The following RGL1 variants were observed in gnomAD, a reference collection of about 807,000 sequenced individuals.
RGL1 encodes the protein ral guanine nucleotide dissociation stimulator-like 1.
A neutral mutation model predicts 95.2 loss-of-function variants in RGL1; 24 were observed. The observed-to-expected ratio is 0.25, with a 90% CI of 0.18 to 0.35. The LOEUF is 0.35. Ranked by LOEUF, RGL1 falls within the 10% of genes least tolerant of loss-of-function variation. The pLI is 1.00. For missense variants in RGL1, 715 were observed against 936.3 expected, an observed-to-expected ratio of 0.76 and a Z score of 3.08; for synonymous variants, 329 against 344.9, an observed-to-expected ratio of 0.95 and a Z score of 0.51.
chr1:183,779,696 C>T (rs1212234157), intron 2 of RGL1, among the ~76,000 whole-genome samples: 1 of 152,064 alleles, frequency 6.6e-6, no homozygotes, highest in Non-Finnish European at 1.5e-5. Flanking sequence ...GAGATAGCCC[C>T]AAAGTTTGCT....
At chr1:183,855,499 C>G (rs538429444) in intron 3 of RGL1, among the ~76,000 whole-genome samples, 27 of 152,336 alleles carry the variant, frequency 1.8e-4, no homozygotes, top group African/African-American at 5.3e-4. Context: ...TTCCTAGATT[C>G]ATGCTGGCAT....
intron 8 of RGL1, 42 bp downstream of exon 8, chr1:183,888,619 T>A: frequency 7.8e-7 from 1 of 1,279,116 alleles, no homozygotes; most frequent in East Asian, 2.3e-5. Flanking sequence ...TTGGCCGGGA[T>A]AATTAGTGGT....
intron 13 of RGL1, 145 bp downstream of exon 13, chr1:183,905,116 G>A (rs1163659038): frequency 2.0e-6 from 2 of 975,920 alleles, no homozygotes; most frequent in Admixed American, 3.2e-5. Flanking sequence ...AAGGCGCATG[G>A]TGTGGCAGGA....
chr1:183,643,265 TA>T (rs1455852842), intron 1 of RGL1, among the ~76,000 whole-genome samples: 3 of 110,124 alleles, frequency 2.7e-5, no homozygotes, highest in African/African-American at 9.0e-5. Context: ...CCTGTTTTTT[TA>T]TTTATTTATT....
chr1:183,832,630 A>T (rs1663337908), intron 2 of RGL1, among the ~76,000 whole-genome samples: 1 of 151,790 alleles, frequency 6.6e-6, no homozygotes, highest in African/African-American at 2.4e-5. Flanking sequence ...GGAAGATGAG[A>T]TAGTGTGGTT....
intron 14 of RGL1, among the ~76,000 whole-genome samples, chr1:183,910,482 T>C (rs559682055): frequency 3.9e-5 from 6 of 152,350 alleles, no homozygotes; most frequent in Non-Finnish European, 7.3e-5. Flanking sequence ...ACATGGCTCT[T>C]GGATGGGAGG....
intron 1 of RGL1, among the ~76,000 whole-genome samples, chr1:183,676,824 A>G (rs1652858143): frequency 6.7e-6 from 1 of 149,852 alleles, no homozygotes; most frequent in Non-Finnish European, 1.5e-5. Context: ...TTACTTCTCT[A>G]TGCCTCAATT....
chr1:183,644,989 T>G (rs1487730604), intron 1 of RGL1, among the ~76,000 whole-genome samples: 1 of 152,200 alleles, frequency 6.6e-6, no homozygotes, highest in Non-Finnish European at 1.5e-5. Context: ...CCAAACATTG[T>G]CCAGGAATGA....
chr1:183,719,796 C>T (rs1046645381), intron 1 of RGL1, among the ~76,000 whole-genome samples: 1 of 152,126 alleles, frequency 6.6e-6, no homozygotes, highest in Non-Finnish European at 1.5e-5. Flanking sequence ...ATTCCAGCTA[C>T]TCAGGGGGCT....
intron 1 of RGL1, among the ~76,000 whole-genome samples, chr1:183,639,308 C>T (rs1032533493): frequency 6.7e-5 from 10 of 149,340 alleles, no homozygotes; most frequent in East Asian, 1.9e-4. Context: ...AGAAAAAAGA[C>T]GTTGAATCCT....
intron 14 of RGL1, among the ~76,000 whole-genome samples, chr1:183,908,312 C>T (rs1170177896): frequency 2.0e-5 from 3 of 152,102 alleles, no homozygotes; most frequent in African/African-American, 7.2e-5. Context: ...ACATAAAGAC[C>T]TCTGCTGGAT....
At chr1:183,708,425 TAG>T (rs1655055481) in intron 1 of RGL1, among the ~76,000 whole-genome samples, 1 of 152,180 alleles carries the variant, frequency 6.6e-6, no homozygotes, top group Non-Finnish European at 1.5e-5. Context: ...CCTCTTATAT[TAG>T]AGAGTTTCAG....
At chr1:183,653,882 TC>T (rs1650951613) in intron 1 of RGL1, among the ~76,000 whole-genome samples, 1 of 152,248 alleles carries the variant, frequency 6.6e-6, no homozygotes, top group Admixed American at 6.5e-5. Context: ...TTCCTTAGTC[TC>T]CCTTGACCCC....
At chr1:183,918,520 G>A (rs1245851133) in intron 16 of RGL1, among the ~76,000 whole-genome samples, 1 of 152,238 alleles carries the variant, frequency 6.6e-6, no homozygotes, top group Non-Finnish European at 1.5e-5. Flanking sequence ...AAACAGTTAT[G>A]TTTTGGGACA....
At chr1:183,667,523 T>C (rs183748742) in intron 1 of RGL1, among the ~76,000 whole-genome samples, 1 of 151,958 alleles carries the variant, frequency 6.6e-6, no homozygotes, top group Non-Finnish European at 1.5e-5. Flanking sequence ...ACGGGGTTTC[T>C]TCATGGTGGT....
intron 1 of RGL1, among the ~76,000 whole-genome samples, chr1:183,735,706 A>G (rs1572347475): frequency 6.6e-6 from 1 of 152,336 alleles, no homozygotes; most frequent in South Asian, 2.1e-4. Flanking sequence ...TAGTATTACT[A>G]CGAAATTATC....
At chr1:183,921,727 C>T (rs988217273) in intron 16 of RGL1, among the ~76,000 whole-genome samples, 1 of 152,164 alleles carries the variant, frequency 6.6e-6, no homozygotes, top group Non-Finnish European at 1.5e-5. Context: ...TTTTATTCCG[C>T]TTGGTAAATG....
chr1:183,891,733 G>GTTTT (rs57974956), intron 8 of RGL1, among the ~76,000 whole-genome samples: 32 of 123,946 alleles, frequency 2.6e-4, no homozygotes, highest in Non-Finnish European at 4.6e-4. Context: ...GTGTGTAACA[G>GTTTT]TTTTTTTTTT....
At chr1:183,841,797 G>C (rs1034331053) in intron 2 of RGL1, among the ~76,000 whole-genome samples, 37 of 152,296 alleles carry the variant, frequency 2.4e-4, no homozygotes, top group African/African-American at 8.7e-4. Context: ...GCTTATTTGT[G>C]AGTCAGCTTG....
Sources: allele counts gnomAD v4.1 joint callset (sites outside exome capture counted in the v4.1 genomes callset), GRCh38; gene constraint gnomAD v4.1.1; transcripts MANE v1.5; gene names NCBI Gene and HGNC (gene_info 2026-07-23, HGNC 2026-07-21).